Variants in KCNMB2 observed in about 807,000 individuals in gnomAD.
The protein encoded by KCNMB2 is potassium calcium-activated channel subfamily M regulatory beta subunit 2, also known as calcium-activated potassium channel subunit beta-2.
KCNMB2 carries 9 observed loss-of-function variants against 24.5 expected under a neutral mutation model. That is an observed-to-expected ratio of 0.37 (90% CI 0.22 to 0.64). The LOEUF is 0.64. KCNMB2 is among the 30% of genes least tolerant of loss of function. The pLI is 0.63. For synonymous variants in KCNMB2, 109 were observed against 104.4 expected, an observed-to-expected ratio of 1.04 and a Z score of -0.27; for missense variants, 226 against 284.3, an observed-to-expected ratio of 0.79 and a Z score of 1.47.
At chr3:178,810,415 G>A (rs1364999256) in intron 2 of KCNMB2, among the ~76,000 whole-genome samples, 1 of 152,144 alleles carries the variant, frequency 6.6e-6, no homozygotes, top group African/African-American at 2.4e-5. Flanking sequence ...AAATGTGTCA[G>A]TATATCGGAT....
At chr3:178,688,248 T>C (rs1353511054) in intron 1 of KCNMB2, among the ~76,000 whole-genome samples, 1 of 152,162 alleles carries the variant, frequency 6.6e-6, no homozygotes, top group East Asian at 1.9e-4. Flanking sequence ...CAAATTTTGC[T>C]ACTTCATCAC....
chr3:178,691,836 C>T (rs896701383), intron 1 of KCNMB2, among the ~76,000 whole-genome samples: 1 of 152,178 alleles, frequency 6.6e-6, no homozygotes, highest in Non-Finnish European at 1.5e-5. Context: ...ACACTATCTT[C>T]CATAATTGTT....
chr3:178,612,749 ATAAG>A (rs1262670872), intron 1 of KCNMB2, among the ~76,000 whole-genome samples: 1 of 152,092 alleles, frequency 6.6e-6, no homozygotes, highest in Non-Finnish European at 1.5e-5. Context: ...ATTATTATTG[ATAAG>A]TAAGGACTTA....
At chr3:178,588,539 T>G (rs958256191) in intron 1 of KCNMB2, among the ~76,000 whole-genome samples, 1 of 152,142 alleles carries the variant, frequency 6.6e-6, no homozygotes, top group Non-Finnish European at 1.5e-5. Flanking sequence ...ATAATGCTAC[T>G]TATCAAATGT....
rs1364406741 is a variant in KCNMB2, at chr3:178,807,464, AG to A, written c.56+1del. ...TSSSYRHDEK[R>X]NIYQKIRDHD... is the part of the protein sequence containing the mutation. The stretch of plus-strand genomic sequence containing the variant: ...TTCATCTTATAGACATGATGAAAAA[AG>A]GTAAATGCACTGGGATTCTGGGCAC... On this transcript the variant is annotated frameshift_variant and splice_region_variant, in exon 2 of 5. Coordinates refer to ENST00000452583, the MANE Select transcript of KCNMB2 (RefSeq NM_181361.3). LOFTEE classifies it high-confidence loss of function. 1 of 1,612,996 alleles carries A rather than the reference AG, an allele frequency of 6.2e-7. No individual in the cohort carries two copies. The highest frequency in any genetic ancestry group is 1.7e-5 in the Admixed American group (1 of 60,012).
At chr3:178,576,501 C>T (rs552075395) in intron 1 of KCNMB2, among the ~76,000 whole-genome samples, 9 of 152,252 alleles carry the variant, frequency 5.9e-5, no homozygotes, top group African/African-American at 1.4e-4. Context: ...AAACTGTTCA[C>T]TCTCCTGGAA....
chr3:178,645,409 G>A (rs1174007362), intron 1 of KCNMB2, among the ~76,000 whole-genome samples: 2 of 152,080 alleles, frequency 1.3e-5, no homozygotes, highest in African/African-American at 2.4e-5. Context: ...TCCTCTGAAA[G>A]CAAACTCCTG....
At chr3:178,710,993 T>C (rs1481669304) in intron 1 of KCNMB2, among the ~76,000 whole-genome samples, 1 of 152,142 alleles carries the variant, frequency 6.6e-6, no homozygotes, top group Non-Finnish European at 1.5e-5. Flanking sequence ...CTCAAGGAGA[T>C]TGCTATCAAG....
chr3:178,692,218 C>A (rs140376220), intron 1 of KCNMB2, among the ~76,000 whole-genome samples: 21,321 of 152,194 alleles, frequency 0.14, 1,831 homozygotes, highest in Admixed American at 0.22. Context: ...ATGATAGTTT[C>A]TTTTGCTGTA....
chr3:178,632,065 G>C (rs549254663), intron 1 of KCNMB2, among the ~76,000 whole-genome samples: 1 of 152,290 alleles, frequency 6.6e-6, no homozygotes, highest in South Asian at 2.1e-4. Flanking sequence ...GCGTCATCTG[G>C]GAGGCAAGAC....
rs1019669615 is a variant in KCNMB2, at chr3:178,611,442, C to T, written c.-68+74731C>T. Among the ~76,000 whole-genome samples the T allele has an allele frequency of 3.9e-5, 6 of 152,108 alleles. No individual in the cohort carries two copies. In the South Asian group the frequency reaches 6.2e-4, roughly 16 times the overall value. On this transcript the variant is annotated intron_variant, in intron 1 of 4. Transcript: ENST00000452583. Reference sequence around the variant, plus strand: ...ACCCCAGGCCAGGTGCAGTGGCTCACGCCTGTAATCCCAGCACTTTAGGAG... The same window carrying T: ...ACCCCAGGCCAGGTGCAGTGGCTCATGCCTGTAATCCCAGCACTTTAGGAG...
chr3:178,779,088 C>T (rs1712716802), intron 1 of KCNMB2, among the ~76,000 whole-genome samples: 1 of 152,156 alleles, frequency 6.6e-6, no homozygotes, highest in Non-Finnish European at 1.5e-5. Context: ...CAAGGACCAA[C>T]TCCTCCCAGA....
chr3:178,568,653 T>C (rs1326519487), intron 1 of KCNMB2, among the ~76,000 whole-genome samples: 1 of 150,866 alleles, frequency 6.6e-6, no homozygotes, highest in Non-Finnish European at 1.5e-5. Flanking sequence ...TAACCAGCAC[T>C]TTTCCAGTGC....
At chr3:178,734,827 CT>C (rs1375700417) in intron 1 of KCNMB2, among the ~76,000 whole-genome samples, 2 of 152,182 alleles carry the variant, frequency 1.3e-5, no homozygotes, top group Non-Finnish European at 2.9e-5. Flanking sequence ...CCAAGAACCA[CT>C]TTTGTCTCAT....
At chr3:178,820,044 T>C (rs1012112450) in intron 2 of KCNMB2, among the ~76,000 whole-genome samples, 1 of 152,216 alleles carries the variant, frequency 6.6e-6, no homozygotes, top group Non-Finnish European at 1.5e-5. Flanking sequence ...ATACACTTTA[T>C]GATTGAACAG....
chr3:178,723,478 TC>T (rs1044256386), intron 1 of KCNMB2, among the ~76,000 whole-genome samples: 10 of 152,218 alleles, frequency 6.6e-5, no homozygotes, highest in African/African-American at 1.4e-4. Flanking sequence ...TTCCCCAATA[TC>T]TTTCCTGTTT....
rs1560131620 is a variant in KCNMB2 at position 178,614,265 on chromosome 3, A to ATG, written c.-68+77555_-68+77556insGT. 7.3e-3 allele frequency among the ~76,000 whole-genome samples: 527 copies of ATG among 72,568 alleles called. 25 individuals are homozygous for ATG. Among genetic ancestry groups the ATG allele is most frequent in the African/African-American group, 0.032 (506 of 15,938 alleles). The allele number at this position is 72,568 out of a possible 152,430, so 47.6% of individuals were successfully genotyped here. On this transcript the variant is annotated intron_variant, in intron 1 of 4. Transcript: ENST00000452583. ...GCTAATTTTATATATATATATATAT[A>ATG]TATATATATATATATATATATATAT...
intron 1 of KCNMB2, among the ~76,000 whole-genome samples, chr3:178,781,431 A>C (rs1350571663): frequency 1.3e-5 from 2 of 151,672 alleles, no homozygotes; most frequent in Non-Finnish European, 2.9e-5. Flanking sequence ...GTCTCTACTA[A>C]AAATACAAAA....
intron 1 of KCNMB2, among the ~76,000 whole-genome samples, chr3:178,652,460 G>A (rs1577073720): frequency 7.1e-6 from 1 of 141,758 alleles, no homozygotes; most frequent in Admixed American, 7.0e-5. Flanking sequence ...AGAACTTGAA[G>A]TATTAAAAAA....
Sources: allele counts gnomAD v4.1 joint callset (sites outside exome capture counted in the v4.1 genomes callset), GRCh38; gene constraint gnomAD v4.1.1; transcripts MANE v1.5; gene names NCBI Gene and HGNC (gene_info 2026-07-23, HGNC 2026-07-21).